Variants in TXNRD1 observed in about 807,000 individuals in gnomAD.
The protein encoded by TXNRD1 is thioredoxin reductase 1, cytoplasmic.
Under a neutral mutation model 80.3 loss-of-function variants are expected in TXNRD1, and 57 were observed. The ratio of observed to expected loss-of-function variants is 0.71; its 90% confidence interval spans 0.57 to 0.89. TXNRD1 has a LOEUF of 0.89. Ranked by LOEUF, TXNRD1 falls within the 40% of genes least tolerant of loss-of-function variation. TXNRD1 has a pLI of 0.00. For synonymous variants in TXNRD1, 291 were observed against 285.2 expected (o/e 1.02, Z -0.20); for missense variants, 730 against 803.0 (o/e 0.91, Z 1.10).
intron 3 of TXNRD1, among the ~76,000 whole-genome samples, chr12:104,269,499 A>G (rs1448141376): frequency 2.0e-5 from 3 of 150,012 alleles, no homozygotes; most frequent in African/African-American, 7.4e-5. Flanking sequence ...TCCCGGGCTC[A>G]AGTGATCCTC....
intron 13 of TXNRD1, among the ~76,000 whole-genome samples, chr12:104,329,507 G>A (rs940856307): frequency 8.6e-5 from 13 of 151,850 alleles, no homozygotes; most frequent in African/African-American, 2.7e-4. Context: ...AAATGAGATC[G>A]GTGAGGTGGT....
chr12:104,331,686 T>C (rs1348575387), intron 14 of TXNRD1, 45 bp downstream of exon 14: 1 of 1,289,876 alleles, frequency 7.8e-7, no homozygotes, highest in Non-Finnish European at 1.1e-6. Context: ...CACTACTTTT[T>C]TTTCTTCAGA....
chr12:104,260,985 G>T (rs966981886), intron 3 of TXNRD1, among the ~76,000 whole-genome samples: 1 of 152,136 alleles, frequency 6.6e-6, no homozygotes, highest in Non-Finnish European at 1.5e-5. Context: ...GTGTTTTTTG[G>T]TAACAAATGG....
chr12:104,309,217 A>G (rs1195986780), intron 4 of TXNRD1, among the ~76,000 whole-genome samples: 1 of 152,146 alleles, frequency 6.6e-6, no homozygotes, highest in Non-Finnish European at 1.5e-5. Flanking sequence ...GTTTCATTCT[A>G]AGGTCAACTG....
intron 3 of TXNRD1, among the ~76,000 whole-genome samples, chr12:104,282,532 C>T (rs973563000): frequency 2.0e-5 from 3 of 152,166 alleles, no homozygotes; most frequent in Non-Finnish European, 4.4e-5. Context: ...GTGGGCTCTG[C>T]TCAAGCATCA....
chr12:104,264,390 G>C (rs1241692502), intron 3 of TXNRD1, among the ~76,000 whole-genome samples: 3 of 152,224 alleles, frequency 2.0e-5, no homozygotes, highest in Non-Finnish European at 4.4e-5. Context: ...ACGATGAGAG[G>C]TTAAGAGTTG....
intron 1 of TXNRD1, among the ~76,000 whole-genome samples, chr12:104,216,390 T>TC (rs2032211796): frequency 6.6e-6 from 1 of 152,184 alleles, no homozygotes; most frequent in African/African-American, 2.4e-5. Flanking sequence ...CGACACGCCT[T>TC]CCCGGCCCCC....
intron 1 of TXNRD1, among the ~76,000 whole-genome samples, 160 bp from the exon 2 acceptor site, chr12:104,251,367 G>A (rs568552163): frequency 2.0e-5 from 3 of 152,182 alleles, no homozygotes; most frequent in Admixed American, 6.5e-5. Context: ...GATGAAAGAA[G>A]TAAATCTATA....
At chr12:104,265,517 A>G in intron 3 of TXNRD1, 1 of 1,611,058 alleles carries the variant, frequency 6.2e-7, no homozygotes, top group Admixed American at 1.7e-5. Context: ...GTGTTTGAGA[A>G]GTCCCCCCTG....
intron 13 of TXNRD1, among the ~76,000 whole-genome samples, chr12:104,328,286 A>G (rs1287844129): frequency 3.3e-5 from 5 of 152,222 alleles, no homozygotes; most frequent in African/African-American, 1.2e-4. Context: ...ATATCCATAT[A>G]CTCTAAACAG....
intron 16 of TXNRD1, chr12:104,339,539 T>C (rs2036253919): frequency 1.1e-5 from 6 of 542,680 alleles, no homozygotes; most frequent in Non-Finnish European, 2.0e-5. Context: ...TCATATCTTC[T>C]AAATTATTTT....
intron 1 of TXNRD1, among the ~76,000 whole-genome samples, chr12:104,228,970 C>T (rs896484539): frequency 2.6e-5 from 4 of 151,844 alleles, no homozygotes; most frequent in Non-Finnish European, 4.4e-5. Flanking sequence ...CCCCCCGCCT[C>T]GGCCTCCCAA....
At chr12:104,237,540 C>T (rs747235774) in intron 1 of TXNRD1, among the ~76,000 whole-genome samples, 11 of 152,196 alleles carry the variant, frequency 7.2e-5, no homozygotes, top group Non-Finnish European at 1.5e-4. Flanking sequence ...GCTTATTAGG[C>T]CCTAAAAAAC....
intron 4 of TXNRD1, chr12:104,304,510 T>A: frequency 6.2e-7 from 1 of 1,613,946 alleles, no homozygotes; most frequent in Non-Finnish European, 8.5e-7. Flanking sequence ...AGAAAAAAGT[T>A]CGCAAGATGG....
chr12:104,251,493 T>A (rs1173667515), intron 1 of TXNRD1, 34 bp from the exon 2 acceptor site: 1 of 1,603,516 alleles, frequency 6.2e-7, no homozygotes, highest in Non-Finnish European at 8.5e-7. Flanking sequence ...TTTTCCTTTG[T>A]GATAATTACC....
intron 1 of TXNRD1, among the ~76,000 whole-genome samples, chr12:104,235,515 G>T (rs1471152211): frequency 6.6e-6 from 1 of 152,198 alleles, no homozygotes; most frequent in African/African-American, 2.4e-5. Flanking sequence ...CATCAAGAGG[G>T]TAAAAAGGTT....
chr12:104,319,639 G>A (rs879311639), intron 9 of TXNRD1, 54 bp downstream of exon 9: 103 of 1,333,472 alleles, frequency 7.7e-5, no homozygotes, highest in Admixed American at 1.1e-4. Flanking sequence ...TATTGCTTTC[G>A]CATTTTTCTT....
rs1463605643 is a variant in TXNRD1 at position 104,348,658 on chromosome 12, A to G, written c.*237A>G. On this transcript the variant is annotated 3_prime_UTR_variant, in exon 17 of 17. Coordinates refer to ENST00000525566, the MANE Select transcript of TXNRD1 (RefSeq NM_001093771.3). ...TGACATTTGGCAGGGCATCGAAGGG[A>G]TGCATCCATGAAGTCACCAGTCTCA... 7 of 525,338 alleles carry G rather than the reference A, an allele frequency of 1.3e-5. No individual in the cohort carries two copies. In the East Asian group the frequency reaches 2.2e-4, roughly 16 times the overall value. The allele number at this position is 525,338 out of a possible 1,614,324, so 32.5% of individuals were successfully genotyped here. A position where few individuals can be genotyped will look rare whatever the true frequency, so the allele number is the denominator to read the frequency against.
chr12:104,283,238 C>T (rs2033912918), intron 3 of TXNRD1, among the ~76,000 whole-genome samples: 1 of 152,020 alleles, frequency 6.6e-6, no homozygotes, highest in Non-Finnish European at 1.5e-5. Context: ...TCTCTTCACA[C>T]TGTCTTTTTT....
Sources: gnomAD v4.1 joint callset for allele counts (sites outside exome capture counted in the v4.1 genomes callset) on GRCh38, gnomAD v4.1.1 for gene constraint, MANE v1.5 for transcripts, NCBI Gene and HGNC (gene_info 2026-07-23, HGNC 2026-07-21) for gene names.